The following NLGN1 variants were observed in gnomAD, a reference collection of about 807,000 sequenced individuals.
NLGN1 encodes the protein neuroligin-1.
In NLGN1, 12 loss-of-function variants were observed where a neutral mutation model predicts 65.5. The ratio of observed to expected loss-of-function variants is 0.18; its 90% confidence interval spans 0.12 to 0.30. NLGN1 has a LOEUF of 0.30. NLGN1 is among the 10% of genes least tolerant of loss of function. NLGN1 has a pLI of 1.00. For synonymous variants in NLGN1, 350 were observed against 359.5 expected (o/e 0.97, Z 0.30); for missense variants, 750 against 1,007.1 (o/e 0.74, Z 3.46).
chr3:173,737,075 A>G (rs1248426897), intron 3 of NLGN1, among the ~76,000 whole-genome samples: 1 of 152,036 alleles, frequency 6.6e-6, no homozygotes, highest in Non-Finnish European at 1.5e-5. Context: ...TTAGTAGATC[A>G]CATGATAAAT....
intron 4 of NLGN1, among the ~76,000 whole-genome samples, chr3:174,076,769 TCA>T (rs1296051255): frequency 7.2e-6 from 1 of 138,074 alleles, no homozygotes; most frequent in Non-Finnish European, 1.6e-5. Flanking sequence ...GTGTTTATCC[TCA>T]CATGTGTGTA....
intron 4 of NLGN1, among the ~76,000 whole-genome samples, chr3:174,268,652 C>G (rs1748741536): frequency 6.6e-6 from 1 of 152,060 alleles, no homozygotes; most frequent in African/African-American, 2.4e-5. Context: ...AAGGAACAAT[C>G]TCACCTCTTT....
chr3:173,521,739 T>C (rs1282597175), intron 2 of NLGN1, among the ~76,000 whole-genome samples: 2 of 152,204 alleles, frequency 1.3e-5, no homozygotes, highest in Non-Finnish European at 2.9e-5. Context: ...TTGACATTGT[T>C]CTAAACACTT....
chr3:173,410,227 T>TA, intron 1 of NLGN1, among the ~76,000 whole-genome samples: 1 of 152,304 alleles, frequency 6.6e-6, no homozygotes, highest in Middle Eastern at 3.4e-3. Context: ...ATAGGGCCGT[T>TA]ATGGGAATAA....
intron 4 of NLGN1, among the ~76,000 whole-genome samples, chr3:173,861,980 G>T (rs1205685417): frequency 6.6e-6 from 1 of 151,654 alleles, no homozygotes; most frequent in Admixed American, 6.6e-5. Flanking sequence ...TGTTGGCCAG[G>T]CTGGTCTTGA....
At chr3:173,536,779 G>GTT in intron 2 of NLGN1, among the ~76,000 whole-genome samples, 1 of 152,286 alleles carries the variant, frequency 6.6e-6, no homozygotes, top group African/African-American at 2.4e-5. Context: ...GTGTGTGTGT[G>GTT]TGCGTAGGGA....
At chr3:173,946,574 C>A (rs914821282) in intron 4 of NLGN1, among the ~76,000 whole-genome samples, 1 of 152,070 alleles carries the variant, frequency 6.6e-6, no homozygotes, top group Admixed American at 6.6e-5. Flanking sequence ...GTGCGGTTCA[C>A]CTCATGTTTT....
chr3:173,971,024 A>G (rs1195639495), intron 4 of NLGN1, among the ~76,000 whole-genome samples: 1 of 152,152 alleles, frequency 6.6e-6, no homozygotes, highest in Non-Finnish European at 1.5e-5. Context: ...GCAATGTTGT[A>G]TGGAAAGATG....
intron 4 of NLGN1, among the ~76,000 whole-genome samples, chr3:174,236,107 A>T (rs1032440805): frequency 9.2e-5 from 14 of 152,136 alleles, no homozygotes; most frequent in African/African-American, 3.1e-4. Flanking sequence ...TGATCAAATG[A>T]ATGTTACTAG....
chr3:173,452,084 T>A (rs6788919), intron 2 of NLGN1, among the ~76,000 whole-genome samples: 4,265 of 152,236 alleles, frequency 0.028, 208 homozygotes, highest in African/African-American at 0.095. Context: ...ACTGTCTGGC[T>A]CTCCCCAGTG....
chr3:174,149,056 C>T (rs1196047947), intron 4 of NLGN1, among the ~76,000 whole-genome samples: 4 of 152,086 alleles, frequency 2.6e-5, no homozygotes, highest in Non-Finnish European at 5.9e-5. Flanking sequence ...CTTTGATTTG[C>T]AAAACATGGT....
chr3:173,529,514 G>T (rs1376099665), intron 2 of NLGN1, among the ~76,000 whole-genome samples: 1 of 152,178 alleles, frequency 6.6e-6, no homozygotes, highest in Non-Finnish European at 1.5e-5. Flanking sequence ...TCTTTGCTGG[G>T]GTTGAAGAGG....
intron 4 of NLGN1, among the ~76,000 whole-genome samples, chr3:173,881,526 G>A (rs1157707460): frequency 1.4e-5 from 2 of 145,484 alleles, no homozygotes; most frequent in Non-Finnish European, 3.0e-5. Context: ...CCGGGTTCAC[G>A]CCATTCTCCT....
chr3:173,911,314 T>C (rs550824195), intron 4 of NLGN1, among the ~76,000 whole-genome samples: 10 of 152,318 alleles, frequency 6.6e-5, no homozygotes, highest in Non-Finnish European at 1.0e-4. Context: ...ATCTAAGAGG[T>C]GAAATAAATC....
intron 4 of NLGN1, among the ~76,000 whole-genome samples, chr3:173,921,115 A>G (rs1741923515): frequency 6.7e-6 from 1 of 149,710 alleles, no homozygotes; most frequent in African/African-American, 2.4e-5. Context: ...AATTTACAGG[A>G]AGTTCATAGC....
chr3:173,868,202 A>G (rs907830032), intron 4 of NLGN1, among the ~76,000 whole-genome samples: 2 of 152,112 alleles, frequency 1.3e-5, no homozygotes, highest in Non-Finnish European at 2.9e-5. Flanking sequence ...GTGGAGGGAG[A>G]AGCAAGGTGA....
intron 4 of NLGN1, among the ~76,000 whole-genome samples, chr3:174,183,634 A>T (rs1175567971): frequency 6.6e-6 from 1 of 152,196 alleles, no homozygotes; most frequent in Non-Finnish European, 1.5e-5. Context: ...AAACACTGCA[A>T]TGAGGAAAAT....
At chr3:173,484,599 GAAAT>G (rs1227869272) in intron 2 of NLGN1, among the ~76,000 whole-genome samples, 3 of 151,980 alleles carry the variant, frequency 2.0e-5, no homozygotes, top group Non-Finnish European at 4.4e-5. Flanking sequence ...AAGTCAATAA[GAAAT>G]AAACTCTAAA....
intron 4 of NLGN1, among the ~76,000 whole-genome samples, chr3:174,108,496 G>T (rs546675477): frequency 9.2e-5 from 14 of 151,904 alleles, no homozygotes; most frequent in African/African-American, 3.1e-4. Context: ...AAAAAGCTAA[G>T]CTGGACAGTA....
Sources: gnomAD v4.1 joint callset for allele counts (sites outside exome capture counted in the v4.1 genomes callset) on GRCh38, gnomAD v4.1.1 for gene constraint, MANE v1.5 for transcripts, NCBI Gene and HGNC (gene_info 2026-07-23, HGNC 2026-07-21) for gene names.